The following CCDC187 variants were observed in gnomAD, a reference collection of about 807,000 sequenced individuals.
CCDC187 encodes the protein coiled-coil domain-containing protein 187.
A neutral mutation model predicts 38.0 loss-of-function variants in CCDC187; 32 were observed. The observed-to-expected ratio is 0.84, with a 90% confidence interval of 0.64 to 1.13. The LOEUF (loss-of-function observed/expected upper bound fraction) is 1.13, where lower values mean the gene tolerates loss of function less well. CCDC187 is among the 50% of genes most tolerant of loss of function. The pLI, the probability that CCDC187 is intolerant of heterozygous loss-of-function variation, is 0.00. For synonymous variants in CCDC187, 333 were observed against 347.9 expected, an observed-to-expected ratio of 0.96 and a Z score of 0.48; for missense variants, 707 against 786.8, an observed-to-expected ratio of 0.90 and a Z score of 1.21.
rs544310994 is a variant in CCDC187 at position 136,260,826 on chromosome 9, T to C, written c.4065-562A>G. ...TGGCCCTAAGGGCCTGGAAACCCTGTATCCCAAGGTAGATGCAGCTGAGGG... is the reference window on the plus strand; with the variant it reads ...TGGCCCTAAGGGCCTGGAAACCCTGCATCCCAAGGTAGATGCAGCTGAGGG... On this transcript the variant is annotated intron_variant, in intron 19 of 25. Transcript: ENST00000638797. Among the ~76,000 whole-genome samples, 4 of 152,276 alleles carry C rather than the reference T, an allele frequency of 2.6e-5. No individual in the cohort carries two copies. The East Asian group carries it at 7.7e-4, about 29-fold the overall frequency.
intron 14 of CCDC187, among the ~76,000 whole-genome samples, chr9:136,272,842 C>G (rs952566543): frequency 2.6e-5 from 4 of 152,124 alleles, no homozygotes; most frequent in Non-Finnish European, 5.9e-5. Flanking sequence ...CCACTGCACT[C>G]CAGCATGGGT....
chr9:136,288,127 G>A (rs947005830), intron 7 of CCDC187, among the ~76,000 whole-genome samples: 1 of 152,200 alleles, frequency 6.6e-6, no homozygotes, highest in South Asian at 2.1e-4. Flanking sequence ...GGTGGCCAGT[G>A]GGGGAGGGGC....
chr9:136,295,698 G>A (rs36129481), intron 4 of CCDC187, among the ~76,000 whole-genome samples: 19,715 of 152,098 alleles, frequency 0.13, 1,680 homozygotes, highest in Middle Eastern at 0.28. Flanking sequence ...CTGTGACTTC[G>A]TCACTGACAG....
At chr9:136,293,363 ACATGCTCACACACTC>A (rs1831408936) in intron 4 of CCDC187, among the ~76,000 whole-genome samples, 26 of 148,208 alleles carry the variant, frequency 1.8e-4, no homozygotes, top group South Asian at 4.3e-4. Context: ...ACACACATTC[ACATGCTCACACACTC>A]ACACTCACAT....
intron 14 of CCDC187, among the ~76,000 whole-genome samples, chr9:136,274,027 G>A (rs1437045559): frequency 6.6e-6 from 1 of 152,244 alleles, no homozygotes; most frequent in Non-Finnish European, 1.5e-5. Context: ...TGCAGCCCAC[G>A]CTGGGGAGGC....
intron 4 of CCDC187, among the ~76,000 whole-genome samples, chr9:136,294,936 C>A (rs1242185099): frequency 6.6e-6 from 1 of 152,240 alleles, no homozygotes; most frequent in African/African-American, 2.4e-5. Context: ...CTCTGCCACT[C>A]ACCAGCCATG....
Position 136,250,883 on chromosome 9 carries a change from G to T in CCDC187, c.*2711C>A. The T allele has an allele frequency of 2.2e-6, 1 of 452,958 alleles. No homozygotes were observed. Among genetic ancestry groups the T allele is most frequent in the Non-Finnish European group, 4.5e-6 (1 of 224,496 alleles). 28.1% of individuals were successfully genotyped at this position (452,958 alleles called of 1,614,324 possible). A position where few individuals can be genotyped will look rare whatever the true frequency, so the allele number is the denominator to read the frequency against. ...CCGGGCGAGGGGTGTCTGGAGAGGGGCTCTTGCCTCACGGCAGGGGGCCCA... is the reference window on the plus strand; with the variant it reads ...CCGGGCGAGGGGTGTCTGGAGAGGGTCTCTTGCCTCACGGCAGGGGGCCCA... On this transcript the variant is annotated 3_prime_UTR_variant, in exon 26 of 26. Transcript: ENST00000638797.
At chr9:136,282,037 G>A (rs1050055382) in intron 9 of CCDC187, among the ~76,000 whole-genome samples, 1 of 152,170 alleles carries the variant, frequency 6.6e-6, no homozygotes, top group African/African-American at 2.4e-5. Context: ...GGGTGTGCAC[G>A]GTCAGCTTCC....
chr9:136,269,541 G>A (rs545100849), intron 14 of CCDC187, among the ~76,000 whole-genome samples: 5 of 152,242 alleles, frequency 3.3e-5, no homozygotes, highest in South Asian at 2.1e-4. Context: ...CCAGGTACTC[G>A]GGAGGCTGAG....
At chr9:136,294,465 G>C (rs1472808403) in intron 4 of CCDC187, among the ~76,000 whole-genome samples, 1 of 152,218 alleles carries the variant, frequency 6.6e-6, no homozygotes, top group Admixed American at 6.5e-5. Flanking sequence ...CGTGGCCTGG[G>C]GTCAAGACCA....
chr9:136,288,282 C>A (rs1831229036), intron 7 of CCDC187, among the ~76,000 whole-genome samples: 1 of 152,174 alleles, frequency 6.6e-6, no homozygotes, highest in South Asian at 2.1e-4. Context: ...GGAAAGAATC[C>A]CAAAACGAGT....
intron 4 of CCDC187, among the ~76,000 whole-genome samples, chr9:136,293,831 A>G (rs1271037260): frequency 1.5e-5 from 2 of 135,118 alleles, no homozygotes; most frequent in African/African-American, 2.8e-5. Context: ...CACTCACACT[A>G]CCACACACTC....
intron 3 of CCDC187, among the ~76,000 whole-genome samples, chr9:136,299,286 A>G (rs991548832): frequency 6.6e-6 from 1 of 152,118 alleles, no homozygotes; most frequent in Non-Finnish European, 1.5e-5. Flanking sequence ...CACACTCCAC[A>G]TGGGAGGGAC....
chr9:136,258,911 C>T lies in CCDC187; in HGVS notation c.4366+21G>A, dbSNP rs1422369644. On this transcript the variant is annotated intron_variant, in intron 22 of 25. Coordinates refer to ENST00000638797, the MANE Select transcript of CCDC187 (RefSeq NM_001378188.1). This position sits in a 1 kb window ranked among gnomAD's most constrained non-coding sequence, Gnocchi z 4.3. ...GTGTCTGGCGCCGTGGAGGCCCACG[C>T]GGTGTTTCCAGGGTGCTTACCTGGG... 5.1e-6 allele frequency: 5 copies of T among 985,410 alleles called. No homozygotes were observed. The highest frequency in any genetic ancestry group is 3.5e-5 in the African/African-American group (2 of 57,242). The allele number at this position is 985,410 out of a possible 1,614,324, so 61.0% of individuals were successfully genotyped here.
chr9:136,259,228 A>C, intron 21 of CCDC187, 135 bp downstream of exon 21: 1 of 274,868 alleles, frequency 3.6e-6, no homozygotes, highest in Non-Finnish European at 5.5e-6. Flanking sequence ...GATGAAGATC[A>C]AGTCACAGAT....
Position 136,253,551 on chromosome 9 carries a change from C to T in CCDC187, c.*43G>A, listed in dbSNP as rs1258829058. The T allele has an allele frequency of 6.2e-6, 6 of 970,398 alleles. No homozygotes were observed. The highest frequency in any genetic ancestry group is 7.4e-6 in the Non-Finnish European group (6 of 816,260). The allele number at this position is 970,398 out of a possible 1,614,324, so 60.1% of individuals were successfully genotyped here. A position where few individuals can be genotyped will look rare whatever the true frequency, so the allele number is the denominator to read the frequency against. ...GAACTGCATCTACCCAACTGGTCGT[C>T]AACGCTTCCACCCGGACCAGCCACC... On this transcript the variant is annotated 3_prime_UTR_variant, in exon 26 of 26. Coordinates refer to ENST00000638797, the MANE Select transcript of CCDC187 (RefSeq NM_001378188.1).
At chr9:136,291,704 T>A in intron 5 of CCDC187, 59 bp from the exon 6 acceptor site, 1 of 398,504 alleles carries the variant, frequency 2.5e-6, no homozygotes, top group Non-Finnish European at 4.4e-6. Flanking sequence ...CAAAGCCAGC[T>A]CCTCCATCCG....
chr9:136,254,699 C>A lies in CCDC187; in HGVS notation c.5129G>T (p.Arg1710Leu), dbSNP rs1347700609. Residue 1710 changes from arginine to leucine, a missense_variant, in exon 26 of 26, where the codon CGC becomes CTC. Arg to Leu is a moderately radical substitution (Grantham distance 102). Coordinates refer to ENST00000638797, the MANE Select transcript of CCDC187 (RefSeq NM_001378188.1). ...GWVTWQRPQG[R>L]RAGPLRGSSL... ...GGAGCCACGCAGGGGGCCGGCCCTGCGGCCCTGGGGCCTCTGCCAGGTCAC... is the reference window on the plus strand; with the variant it reads ...GGAGCCACGCAGGGGGCCGGCCCTGAGGCCCTGGGGCCTCTGCCAGGTCAC... 1.0e-6 allele frequency: 1 copy of A among 985,266 alleles called. No individual in the cohort carries two copies. Among genetic ancestry groups the A allele is most frequent in the Non-Finnish European group, 1.2e-6 (1 of 829,990 alleles). The allele number at this position is 985,266 out of a possible 1,614,324, so 61.0% of individuals were successfully genotyped here.
chr9:136,285,384 A>G (rs1831151110), intron 9 of CCDC187, 129 bp downstream of exon 9: 1 of 390,758 alleles, frequency 2.6e-6, no homozygotes, highest in Non-Finnish European at 4.5e-6. Flanking sequence ...CATGACGGGG[A>G]CACATGGGGG....
Sources: allele counts gnomAD v4.1 joint callset (sites outside exome capture counted in the v4.1 genomes callset), GRCh38; gene constraint gnomAD v4.1.1; non-coding constraint Gnocchi (gnomAD v3.1); transcripts MANE v1.5; gene names NCBI Gene and HGNC (gene_info 2026-07-23, HGNC 2026-07-21).